DIP2C: variants seen among roughly 807,000 people sequenced by gnomAD.
The protein encoded by DIP2C is DIP2 acetate--CoA ligase C (putative).
DIP2C carries 33 observed loss-of-function variants against 192.4 expected under a neutral mutation model. That is an observed-to-expected ratio of 0.17 (90% confidence interval 0.13 to 0.23). DIP2C has a LOEUF of 0.23. Among genes scored for constraint, DIP2C ranks in the 10% least tolerant of loss-of-function variants. The pLI, the probability that DIP2C is intolerant of heterozygous loss-of-function variation, is 1.00. For missense variants in DIP2C, 1,537 were observed against 2,110.1 expected, an observed-to-expected ratio of 0.73 and a Z score of 5.32; for synonymous variants, 979 against 864.1, an observed-to-expected ratio of 1.13 and a Z score of -2.33.
intron 1 of DIP2C, among the ~76,000 whole-genome samples, chr10:528,923 C>T (rs79626971): frequency 0.017 from 2,561 of 152,284 alleles, 72 homozygotes; most frequent in African/African-American, 0.058. Context: ...CTAAATAACA[C>T]GCAAGAAACA....
chr10:371,727 C>T (rs1960987890), intron 17 of DIP2C, among the ~76,000 whole-genome samples: 1 of 147,644 alleles, frequency 6.8e-6, no homozygotes, highest in Non-Finnish European at 1.5e-5. Flanking sequence ...CTGAGCAGCA[C>T]CCGAGGGAGG....
At chr10:572,691 CAA>C (rs77078972) in intron 1 of DIP2C, among the ~76,000 whole-genome samples, 1 of 151,896 alleles carries the variant, frequency 6.6e-6, no homozygotes, top group Non-Finnish European at 1.5e-5. Flanking sequence ...CCATAATAGA[CAA>C]AAAAAAGTTT....
At chr10:536,059 T>C (rs920928641) in intron 1 of DIP2C, among the ~76,000 whole-genome samples, 3 of 152,144 alleles carry the variant, frequency 2.0e-5, no homozygotes, top group Non-Finnish European at 2.9e-5. Flanking sequence ...GCTTCAACAA[T>C]ATAAATTGAT....
intron 3 of DIP2C, among the ~76,000 whole-genome samples, chr10:443,034 T>C (rs1967873689): frequency 6.6e-6 from 1 of 152,154 alleles, no homozygotes; most frequent in Non-Finnish European, 1.5e-5. Context: ...GACTCAAGAG[T>C]ATGCATTTTA....
intron 3 of DIP2C, among the ~76,000 whole-genome samples, chr10:471,520 C>T (rs1970632834): frequency 6.6e-6 from 1 of 152,140 alleles, no homozygotes; most frequent in South Asian, 2.1e-4. Context: ...ACGACTTCAC[C>T]TGCTTATCAT....
At chr10:477,787 AAAG>A (rs1278504315) in intron 2 of DIP2C, among the ~76,000 whole-genome samples, 1 of 140,004 alleles carries the variant, frequency 7.1e-6, no homozygotes. Context: ...AAGGAGAGAG[AAAG>A]AAGGGAAGGA....
intron 29 of DIP2C, among the ~76,000 whole-genome samples, chr10:339,416 C>T (rs149500258): frequency 9.9e-5 from 15 of 152,252 alleles, no homozygotes; most frequent in African/African-American, 3.4e-4. Context: ...CAAATTTCAT[C>T]GCAACCTGGA....
intron 32 of DIP2C, 103 bp from the exon 33 acceptor site, chr10:288,524 T>C: frequency 1.6e-6 from 2 of 1,230,554 alleles, no homozygotes; most frequent in Non-Finnish European, 2.4e-6. Context: ...CCGGGAAAGC[T>C]GATTCTGAGC....
At chr10:405,324 G>T (rs370344822) in intron 9 of DIP2C, among the ~76,000 whole-genome samples, 6 of 152,162 alleles carry the variant, frequency 3.9e-5, no homozygotes, top group African/African-American at 1.4e-4. Context: ...TTTATCACTA[G>T]AGTTAATGCT....
At chr10:293,789 A>G (rs1955608146) in intron 32 of DIP2C, among the ~76,000 whole-genome samples, 3 of 152,170 alleles carry the variant, frequency 2.0e-5, no homozygotes, top group South Asian at 4.2e-4. Context: ...AACAAAACCA[A>G]AAACAAATGC....
At chr10:370,756 C>T (rs1399025655) in intron 17 of DIP2C, among the ~76,000 whole-genome samples, 7 of 152,292 alleles carry the variant, frequency 4.6e-5, no homozygotes, top group African/African-American at 1.2e-4. Flanking sequence ...AAATCTTTAA[C>T]GCACTTCAGA....
rs143486792 is a variant in DIP2C, at chr10:369,507, G to A, written c.2118C>T (p.Leu706=). 6.7e-4 allele frequency: 1,042 copies of A among 1,547,800 alleles called. 4 individuals carry two copies. In the Middle Eastern group the frequency reaches 0.012, roughly 18 times the overall value. Residue 706 remains leucine (L), a synonymous_variant, in exon 18 of 37, where the codon CTC becomes CTT. Transcript: ENST00000280886. ...ACCCACACTCACCTCCAGGCATCAC[G>A]AGGCCGACATCCTGCACGGTGAGCA... The part of the protein sequence containing the change: ...LSVLTVQDVG[L]VMPGAIMCSV...
chr10:380,491 T>C (rs892183439), intron 17 of DIP2C, among the ~76,000 whole-genome samples: 11 of 152,312 alleles, frequency 7.2e-5, no homozygotes, highest in African/African-American at 2.6e-4. Flanking sequence ...CCCTGGATGA[T>C]GGTTAACACG....
rs567794544 is a variant in DIP2C at position 448,099 on chromosome 10, G to T, written c.269-7103C>A. On this transcript the variant is annotated intron_variant, in intron 3 of 36. Coordinates refer to ENST00000280886, the MANE Select transcript of DIP2C (RefSeq NM_014974.3). ...TATACTCAGGATCACACACAGTGGG[G>T]CAGCAGGACCCACTCATCCCCATCT... Among the ~76,000 whole-genome samples the T allele has an allele frequency of 5.5e-3, 646 of 116,862 alleles. 12 individuals carry two copies. The highest frequency in any genetic ancestry group is 0.025 in the African/African-American group (431 of 17,130). The allele number at this position is 116,862 out of a possible 152,430, so 76.7% of individuals were successfully genotyped here.
At chr10:624,973 G>A (rs887315766) in intron 1 of DIP2C, among the ~76,000 whole-genome samples, 3 of 152,198 alleles carry the variant, frequency 2.0e-5, no homozygotes, top group South Asian at 2.1e-4. Flanking sequence ...ACAGCTGCAG[G>A]CCTGGCCGGC....
intron 1 of DIP2C, among the ~76,000 whole-genome samples, chr10:497,055 TG>T (rs1844886596): frequency 6.6e-6 from 1 of 151,940 alleles, no homozygotes; most frequent in African/African-American, 2.4e-5. Context: ...ACCCAGGAGA[TG>T]GAGCTTGCAG....
chr10:562,643 T>C lies in DIP2C; in HGVS notation c.86-76113A>G, dbSNP rs143895589. Among the ~76,000 whole-genome samples the C allele has an allele frequency of 2.3e-3, 347 of 152,396 alleles. 2 individuals are homozygous for C. The highest frequency in any genetic ancestry group is 7.7e-3 in the African/African-American group (322 of 41,596). On this transcript the variant is annotated intron_variant, in intron 1 of 36. Coordinates refer to ENST00000280886, the MANE Select transcript of DIP2C (RefSeq NM_014974.3). ...AACATTACGTGTTAAACATTAAACA[T>C]TCCATTGCTAAACATTTATAACAGG...
chr10:320,309 A>G (rs891967970), intron 31 of DIP2C, among the ~76,000 whole-genome samples: 4 of 152,100 alleles, frequency 2.6e-5, no homozygotes, highest in African/African-American at 9.7e-5. Context: ...GGAGTTTGAG[A>G]CCAGCCTGGC....
intron 3 of DIP2C, among the ~76,000 whole-genome samples, chr10:441,392 G>T (rs7903126): frequency 0.16 from 24,232 of 152,082 alleles, 5,002 homozygotes; most frequent in African/African-American, 0.48. Context: ...TCACAGCTCA[G>T]CTGAGCACCA....
Sources: gnomAD v4.1 joint callset for allele counts (sites outside exome capture counted in the v4.1 genomes callset) on GRCh38, gnomAD v4.1.1 for gene constraint, MANE v1.5 for transcripts, NCBI Gene and HGNC (gene_info 2026-07-23, HGNC 2026-07-21) for gene names.